SLFN12: variants seen among roughly 807,000 people sequenced by gnomAD.
SLFN12 encodes the protein ribonuclease SLFN12.
A neutral mutation model predicts 29.1 loss-of-function variants in SLFN12; 25 were observed. The ratio of observed to expected loss-of-function variants is 0.86; its 90% CI spans 0.63 to 1.20. SLFN12 has a LOEUF of 1.20. Ranked by LOEUF, SLFN12 falls within the 50% of genes most tolerant of loss-of-function variation. SLFN12 has a pLI of 0.00. For synonymous variants in SLFN12, 257 were observed against 238.7 expected (o/e 1.08, Z -0.71); for missense variants, 660 against 666.2 (o/e 0.99, Z 0.10).
intron 1 of SLFN12, chr17:35,430,511 T>G (rs1912250016): frequency 6.6e-6 from 1 of 152,138 alleles, no homozygotes; most frequent in African/African-American, 2.4e-5. Flanking sequence ...CATCCATAGG[T>G]TACAGTGTCC....
chr17:35,413,803 T>G (rs573748329), intron 3 of SLFN12, among the ~76,000 whole-genome samples: 35 of 151,198 alleles, frequency 2.3e-4, no homozygotes, highest in African/African-American at 6.5e-4. Flanking sequence ...GTGGGATTTA[T>G]CCTTGGGATG....
chr17:35,430,957 T>C (rs991079495), intron 1 of SLFN12, among the ~76,000 whole-genome samples: 10 of 152,196 alleles, frequency 6.6e-5, no homozygotes, highest in Admixed American at 2.6e-4. Context: ...ACAGTAGATG[T>C]TCTGAGAACA....
chr17:35,422,823 C>T lies in SLFN12; in HGVS notation c.206G>A (p.Ser69Asn). The change falls in exon 2 of 4, where the codon AGT becomes AAT. Residue 69 changes from serine to asparagine, a missense_variant. Transcript: ENST00000304905. Reference protein sequence around the residue: ...IKAEIENEDYSYTKDGIGLDL... With the variant: ...IKAEIENEDYNYTKDGIGLDL... ...TAGTCCTATTCCATCTTTTGTATAA[C>T]TATAGTCTTCATTCTCAATTTCAGC... 1 of 1,613,876 alleles carries T rather than the reference C, an allele frequency of 6.2e-7. No individual in the cohort carries two copies. Among genetic ancestry groups the T allele is most frequent in the Non-Finnish European group, 8.5e-7 (1 of 1,179,894 alleles).
chr17:35,419,798 A>G (rs1911520570), intron 3 of SLFN12, among the ~76,000 whole-genome samples: 1 of 152,164 alleles, frequency 6.6e-6, no homozygotes, highest in African/African-American at 2.4e-5. Context: ...AATCTTGCAC[A>G]TATGCACTAG....
chr17:35,430,091 C>G (rs993464291), intron 1 of SLFN12, among the ~76,000 whole-genome samples: 3 of 151,966 alleles, frequency 2.0e-5, no homozygotes, highest in Non-Finnish European at 4.4e-5. Flanking sequence ...GGGCTGCTCC[C>G]CAGCCCATGC....
chr17:35,430,900 T>C (rs1278873752), intron 1 of SLFN12, among the ~76,000 whole-genome samples: 2 of 152,170 alleles, frequency 1.3e-5, no homozygotes, highest in African/African-American at 2.4e-5. Flanking sequence ...AATTCTATCA[T>C]AACTTTCACA....
chr17:35,420,730 T>G (rs747559162), intron 2 of SLFN12: 10 of 210,876 alleles, frequency 4.7e-5, no homozygotes, highest in Non-Finnish European at 9.5e-5. Flanking sequence ...AGCTTACATT[T>G]TCAGACATTT....
chr17:35,427,715 T>C (rs1329719408), intron 1 of SLFN12, among the ~76,000 whole-genome samples: 1 of 152,182 alleles, frequency 6.6e-6, no homozygotes. Context: ...ATTTCATACA[T>C]GGTATTAATG....
At chr17:35,412,707 C>T (rs942331043) in intron 3 of SLFN12, among the ~76,000 whole-genome samples, 10 of 151,456 alleles carry the variant, frequency 6.6e-5, no homozygotes, top group Non-Finnish European at 1.5e-4. Context: ...TAAAAAATTA[C>T]GAGACAGAAT....
At chr17:35,432,057 C>G (rs573324238) in intron 1 of SLFN12, 131 bp downstream of exon 1, 1 of 152,174 alleles carries the variant, frequency 6.6e-6, no homozygotes, top group Admixed American at 6.5e-5. Flanking sequence ...AACCTGCAGT[C>G]GCCTCCGTGT....
intron 1 of SLFN12, chr17:35,431,885 A>T (rs1203231239): frequency 6.6e-6 from 1 of 152,152 alleles, no homozygotes; most frequent in Non-Finnish European, 1.5e-5. Context: ...AAGTCACCTG[A>T]AACACGTGTG....
intron 3 of SLFN12, among the ~76,000 whole-genome samples, chr17:35,419,765 T>G (rs974153624): frequency 6.6e-6 from 1 of 152,108 alleles, no homozygotes; most frequent in Non-Finnish European, 1.5e-5. Context: ...ACAATTCTAC[T>G]CCTACTTAGG....
intron 3 of SLFN12, among the ~76,000 whole-genome samples, chr17:35,413,505 T>G (rs1484620602): frequency 6.6e-6 from 1 of 152,048 alleles, no homozygotes; most frequent in African/African-American, 2.4e-5. Context: ...CCCAGCACTT[T>G]GGGAGGCCAA....
In SLFN12 at chr17:35,422,117, T is replaced by G; in HGVS notation, c.912A>C (p.Ala304=). 15 of 1,614,096 alleles carry G rather than the reference T, an allele frequency of 9.3e-6. 1 individual carries two copies. The highest frequency in any genetic ancestry group is 1.3e-5 in the Non-Finnish European group (15 of 1,180,016). ...CACAGCAGAAGCGCTCCACTCTGAG[T>G]GCACAGACATATCCACAAAGACTTC... The part of the protein sequence containing the change: ...DKGSLCGYVC[A]LRVERFCCAV... Residue 304 remains alanine (A), a synonymous_variant, in exon 2 of 4, where the codon GCA becomes GCC. Coordinates refer to ENST00000304905, the MANE Select transcript of SLFN12 (RefSeq NM_018042.5).
At chr17:35,432,610 A>AGACCAGTCTGATTGGTTGCGGGAGGG (rs1912386590), upstream of SLFN12, 2 of 152,148 alleles carry the variant, frequency 1.3e-5, no homozygotes, top group Non-Finnish European at 2.9e-5. Context: ...TTGGCCCTGG[A>AGACCAGTCTGATTGGTTGCGGGAGGG]GACCAGTCTG....
At chr17:35,421,843 G>A in intron 2 of SLFN12, 147 bp downstream of exon 2, 1 of 1,176,214 alleles carries the variant, frequency 8.5e-7, no homozygotes. Flanking sequence ...CCTGGCCGAG[G>A]CAGGGAACTA....
At chr17:35,429,260 G>A (rs571277852) in intron 1 of SLFN12, among the ~76,000 whole-genome samples, 2 of 152,120 alleles carry the variant, frequency 1.3e-5, no homozygotes, top group South Asian at 4.2e-4. Flanking sequence ...GGAACCCATG[G>A]GAGCTGCAGT....
intron 3 of SLFN12, among the ~76,000 whole-genome samples, chr17:35,416,867 C>T (rs1911347751): frequency 6.6e-6 from 1 of 152,036 alleles, no homozygotes; most frequent in African/African-American, 2.4e-5. Context: ...TGCAGTGAGC[C>T]ATGATCACAC....
chr17:35,415,165 C>G (rs1010911627), intron 3 of SLFN12, among the ~76,000 whole-genome samples: 1 of 152,044 alleles, frequency 6.6e-6, no homozygotes. Flanking sequence ...TAAAAATAGG[C>G]ATGTAGACCA....
Sources: gnomAD v4.1 joint callset for allele counts (sites outside exome capture counted in the v4.1 genomes callset) on GRCh38, gnomAD v4.1.1 for gene constraint, MANE v1.5 for transcripts, NCBI Gene and HGNC (gene_info 2026-07-23, HGNC 2026-07-21) for gene names.